Variants in COPA observed in about 807,000 individuals in gnomAD.
The protein encoded by COPA is coat protein complex I subunit alpha.
COPA carries 10 observed loss-of-function variants against 158.7 expected under a neutral mutation model. The ratio of observed to expected loss-of-function variants is 0.06; its 90% CI spans 0.04 to 0.11. The LOEUF is 0.11. COPA is among the 10% of genes least tolerant of loss of function. The probability of loss-of-function intolerance (pLI) is 1.00; values close to 1 mark genes in which losing one functional copy is unlikely to be tolerated. For missense variants in COPA, 1,065 were observed against 1,536.7 expected (o/e 0.69, Z 5.13); for synonymous variants, 462 against 542.8 (o/e 0.85, Z 2.07).
At chr1:160,331,738 A>T (rs1038569306) in intron 6 of COPA, among the ~76,000 whole-genome samples, 2 of 151,986 alleles carry the variant, frequency 1.3e-5, no homozygotes, top group Non-Finnish European at 2.9e-5. Flanking sequence ...TCACAAGGTC[A>T]GGAGTTTGAG....
chr1:160,294,105 G>A (rs1658326716), intron 25 of COPA, among the ~76,000 whole-genome samples: 1 of 152,168 alleles, frequency 6.6e-6, no homozygotes, highest in South Asian at 2.1e-4. Context: ...GAGCATATCA[G>A]GATAGATGGA....
At chr1:160,308,723 T>C (rs189438019) in intron 13 of COPA, among the ~76,000 whole-genome samples, 349 of 152,262 alleles carry the variant, frequency 2.3e-3, no homozygotes, top group Non-Finnish European at 2.4e-3. Context: ...TGGATGTGGA[T>C]AGGACAGTAT....
intron 1 of COPA, 103 bp downstream of exon 1, chr1:160,343,027 TG>T: frequency 7.2e-7 from 1 of 1,383,338 alleles, no homozygotes; most frequent in Non-Finnish European, 1.0e-6. Context: ...CGGGTCCGTC[TG>T]GTGGGCCCAT....
At chr1:160,324,182 C>T (rs1272629075) in intron 7 of COPA, among the ~76,000 whole-genome samples, 2 of 151,846 alleles carry the variant, frequency 1.3e-5, no homozygotes, top group East Asian at 3.9e-4. Context: ...TAACTTAATG[C>T]AGAAATCTCA....
At chr1:160,327,905 T>C (rs1202089929) in intron 6 of COPA, among the ~76,000 whole-genome samples, 1 of 152,212 alleles carries the variant, frequency 6.6e-6, no homozygotes, top group African/African-American at 2.4e-5. Flanking sequence ...AACTTTGCCA[T>C]CTGTAGGAAA....
chr1:160,307,695 A>G (rs1234453077), intron 13 of COPA, among the ~76,000 whole-genome samples: 2 of 152,210 alleles, frequency 1.3e-5, no homozygotes, highest in Non-Finnish European at 2.9e-5. Flanking sequence ...AGCACTCCCA[A>G]CTAAATCTTG....
intron 4 of COPA, 85 bp from the exon 5 acceptor site, chr1:160,333,764 G>C: frequency 2.8e-6 from 3 of 1,082,804 alleles, no homozygotes; most frequent in Non-Finnish European, 2.7e-6. Flanking sequence ...CTAAAGAACT[G>C]CATTGCTTAA....
At chr1:160,311,487 C>T (rs566255927) in intron 11 of COPA, among the ~76,000 whole-genome samples, 29 of 151,270 alleles carry the variant, frequency 1.9e-4, no homozygotes, top group East Asian at 9.8e-4. Context: ...CGGTGGCTCA[C>T]GCCTGTAATC....
Position 160,311,916 on chromosome 1 carries a change from T to G in COPA, c.1028A>C (p.Gln343Pro). The change falls in exon 11 of 33, where the codon CAG becomes CCG. Residue 343 changes from glutamine (Q) to proline (P), a missense_variant. Physicochemically the swap from Gln to Pro is moderately conservative, Grantham distance 76. Around this residue, in one of 2 missense-constraint regions of COPA, gnomAD observed 980 missense variants for 1,357.8 expected, o/e 0.72. Transcript: ENST00000241704. ...LHYVKDRFLR[Q>P]LDFNSSKDVA... ...ATCTTTGGAGCTGTTGAAATCCAGC[T>G]GTCGTAAGAATCGGTCCTTGACATA... The G allele has an allele frequency of 6.2e-7, 1 of 1,614,108 alleles. No homozygotes were observed. The highest frequency in any genetic ancestry group is 8.5e-7 in the Non-Finnish European group (1 of 1,179,962).
intron 22 of COPA, 65 bp downstream of exon 22, chr1:160,295,996 T>TA: frequency 6.3e-7 from 1 of 1,585,014 alleles, no homozygotes; most frequent in South Asian, 1.1e-5. Context: ...TTCATAATTT[T>TA]AAATTGTTCT....
At chr1:160,303,197 T>C (rs896635984) in intron 17 of COPA, among the ~76,000 whole-genome samples, 33 of 151,542 alleles carry the variant, frequency 2.2e-4, no homozygotes, top group Non-Finnish European at 2.5e-4. Flanking sequence ...AGACTCCATC[T>C]CAAAACAGCA....
intron 8 of COPA, among the ~76,000 whole-genome samples, chr1:160,314,536 G>A (rs924988076): frequency 2.0e-5 from 3 of 152,130 alleles, no homozygotes; most frequent in African/African-American, 7.2e-5. Flanking sequence ...GAGGCTGAGG[G>A]GGAGGATCGC....
chr1:160,310,936 A>G (rs1434529907), intron 11 of COPA, among the ~76,000 whole-genome samples: 4 of 152,208 alleles, frequency 2.6e-5, no homozygotes, highest in African/African-American at 7.2e-5. Flanking sequence ...GCCATTCTCT[A>G]TCAAGAAACT....
intron 7 of COPA, among the ~76,000 whole-genome samples, chr1:160,324,065 C>G (rs1206797245): frequency 6.6e-6 from 1 of 151,904 alleles, no homozygotes; most frequent in Non-Finnish European, 1.5e-5. Context: ...GTTTCACCAT[C>G]TTGGCCAGGC....
Position 160,296,048 on chromosome 1 carries a change from A to AAT in COPA, c.2352+11_2352+12dup. On this transcript the variant is annotated intron_variant, in intron 22 of 32. Coordinates refer to ENST00000241704, the MANE Select transcript of COPA (RefSeq NM_004371.4). ...TCCTGTAATAAGAGACAATTATGTAAATAAAGACTCACTGTCTCCTTCTCT... is the reference window on the plus strand; with the variant it reads ...TCCTGTAATAAGAGACAATTATGTAAATATAAAGACTCACTGTCTCCTTCTCT... 6.2e-7 allele frequency: 1 copy of AAT among 1,610,588 alleles called. No individual in the cohort carries two copies.
chr1:160,291,937 G>T lies in COPA; in HGVS notation c.3148-8C>A. 5 of 1,614,168 alleles carry T rather than the reference G, an allele frequency of 3.1e-6. No individual in the cohort carries two copies. Among genetic ancestry groups the T allele is most frequent in the Non-Finnish European group, 4.2e-6 (5 of 1,180,028 alleles). Reference sequence around the variant, plus strand: ...GGTGATGAGCTGCTGGGCCTGTAGAGGGGGCAGAAGGTCAGGATACAGAGA... The same window carrying T: ...GGTGATGAGCTGCTGGGCCTGTAGATGGGGCAGAAGGTCAGGATACAGAGA... On this transcript the variant is annotated splice_polypyrimidine_tract_variant and splice_region_variant and intron_variant, in intron 29 of 32. Transcript: ENST00000241704.
At chr1:160,302,928 T>G (rs1658664517) in intron 17 of COPA, among the ~76,000 whole-genome samples, 1 of 152,152 alleles carries the variant, frequency 6.6e-6, no homozygotes, top group South Asian at 2.1e-4. Context: ...ATCCCAGCAC[T>G]TTGGGAAGCT....
chr1:160,303,979 T>C (rs1371353731), intron 17 of COPA, among the ~76,000 whole-genome samples: 1 of 151,690 alleles, frequency 6.6e-6, no homozygotes, highest in Non-Finnish European at 1.5e-5. Flanking sequence ...CAAAAATAAG[T>C]CTCACCAAAC....
chr1:160,309,059 G>A, intron 13 of COPA, 42 bp downstream of exon 13: 1 of 1,489,078 alleles, frequency 6.7e-7, no homozygotes, highest in Non-Finnish European at 9.4e-7. Flanking sequence ...TGCGGGTGAG[G>A]AGAGCTGGAA....
Sources: allele counts gnomAD v4.1 joint callset (sites outside exome capture counted in the v4.1 genomes callset), GRCh38; gene constraint gnomAD v4.1.1; regional missense constraint gnomAD v4.1.1; transcripts MANE v1.5; gene names NCBI Gene and HGNC (gene_info 2026-07-23, HGNC 2026-07-21).